The following ZNF69 variants were observed in gnomAD, a reference collection of about 807,000 sequenced individuals.
The protein encoded by ZNF69 is ZNF3.
A neutral mutation model predicts 50.9 loss-of-function variants in ZNF69; 47 were observed. The observed-to-expected ratio is 0.92, with a 90% CI of 0.73 to 1.18. The LOEUF is 1.18. ZNF69 is among the 50% of genes most tolerant of loss of function. The pLI, the probability that ZNF69 is intolerant of heterozygous loss-of-function variation, is 0.00. For synonymous variants in ZNF69, 216 were observed against 223.1 expected (o/e 0.97, Z 0.29); for missense variants, 717 against 675.1 (o/e 1.06, Z -0.69).
intron 1 of ZNF69, among the ~76,000 whole-genome samples, chr19:11,889,242 G>T (rs1977023064): frequency 6.6e-6 from 1 of 152,144 alleles, no homozygotes; most frequent in African/African-American, 2.4e-5. Flanking sequence ...GGTCTTGTTT[G>T]TAATTTGGTA....
chr19:11,944,197 G>T, the ZNF69 span, among the ~76,000 whole-genome samples: 17 of 152,122 alleles, frequency 1.1e-4, no homozygotes, highest in African/African-American at 4.1e-4. Context: ...TGTAGCTGTC[G>T]CTGTAACTTA....
chr19:11,978,259 G>C, the ZNF69 span: 1 of 1,613,930 alleles, frequency 6.2e-7, no homozygotes, highest in African/African-American at 1.3e-5. Flanking sequence ...TTTGTATGTG[G>C]AGAAGTTGGC....
At chr19:11,935,483 C>G in the ZNF69 span, among the ~76,000 whole-genome samples, 1 of 152,024 alleles carries the variant, frequency 6.6e-6, no homozygotes. Context: ...CCACCCACCT[C>G]AGCCTCCCAA....
chr19:11,978,417 A>G, the ZNF69 span: 3 of 1,614,220 alleles, frequency 1.9e-6, no homozygotes, highest in Admixed American at 3.3e-5. Flanking sequence ...ACAAGAAAGG[A>G]ATCACACCGG....
chr19:11,948,493 C>T, the ZNF69 span: 1 of 1,613,962 alleles, frequency 6.2e-7, no homozygotes, highest in South Asian at 1.1e-5. Context: ...ATATGAGTAT[C>T]AGGAATATGG....
the ZNF69 span, chr19:11,979,185 A>G: frequency 6.2e-7 from 1 of 1,612,110 alleles, no homozygotes; most frequent in Non-Finnish European, 8.5e-7. Flanking sequence ...CTGGAGAGAA[A>G]CCCTATAAAT....
chr19:11,955,430 G>A, the ZNF69 span, among the ~76,000 whole-genome samples: 9 of 146,004 alleles, frequency 6.2e-5, no homozygotes, highest in Non-Finnish European at 1.3e-4. Flanking sequence ...GTCTGGCTCT[G>A]GTGCCCAGGC....
chr19:11,892,915 G>A (rs1195841059), intron 1 of ZNF69, among the ~76,000 whole-genome samples: 1 of 152,164 alleles, frequency 6.6e-6, no homozygotes, highest in East Asian at 1.9e-4. Context: ...GTTCACTGCA[G>A]CCTTTGCCTC....
At chr19:11,894,892 CAAGG>C (rs1322610761) in intron 1 of ZNF69, among the ~76,000 whole-genome samples, 1 of 152,130 alleles carries the variant, frequency 6.6e-6, no homozygotes, top group Non-Finnish European at 1.5e-5. Flanking sequence ...CCCCAAAAGA[CAAGG>C]AAAGCCCACC....
chr19:11,948,176 C>T, the ZNF69 span: 1 of 1,374,790 alleles, frequency 7.3e-7, no homozygotes, highest in South Asian at 1.3e-5. Flanking sequence ...AAAGCCTACA[C>T]TTTGATGGAC....
At chr19:11,909,950 G>C (rs964277450), downstream of ZNF69, among the ~76,000 whole-genome samples, 2 of 150,922 alleles carry the variant, frequency 1.3e-5, no homozygotes, top group African/African-American at 2.4e-5. Context: ...ATCTCCTTAA[G>C]CTGATAAGCA....
chr19:11,898,112 C>T (rs1013173705), intron 1 of ZNF69, among the ~76,000 whole-genome samples: 2 of 151,848 alleles, frequency 1.3e-5, no homozygotes, highest in Non-Finnish European at 2.9e-5. Context: ...AAGATAACTG[C>T]CTTACATTTT....
chr19:11,910,652 C>A (rs192669552), downstream of ZNF69, among the ~76,000 whole-genome samples: 180 of 152,262 alleles, frequency 1.2e-3, no homozygotes, highest in Non-Finnish European at 2.1e-3. Context: ...CTTCCTTACA[C>A]CTTATACAAA....
rs773310532 is a variant in ZNF69 at position 11,905,066 on chromosome 19, A to G, written c.669A>G (p.Lys223=). Residue 223 remains lysine (K), a synonymous_variant, in exon 4 of 4, where the codon AAA becomes AAG. Coordinates refer to ENST00000429654, the MANE Select transcript of ZNF69 (RefSeq NM_001364730.1). ...GTGGGGATGGACCTTATAAATGTAA[A>G]TTTTGTGGGAAAGCCTTCCATTGTC... The part of the protein sequence containing the change: ...MHSGDGPYKC[K]FCGKAFHCLS... The G allele has an allele frequency of 2.5e-6, 4 of 1,614,144 alleles. No individual in the cohort carries two copies. The highest frequency in any genetic ancestry group is 2.2e-5 in the East Asian group (1 of 44,878).
chr19:11,915,137 A>G (rs1169712621), downstream of ZNF69, among the ~76,000 whole-genome samples: 1 of 152,172 alleles, frequency 6.6e-6, no homozygotes, highest in Non-Finnish European at 1.5e-5. Flanking sequence ...CTGGAGACAG[A>G]GGTTACAGTG....
chr19:11,952,136 G>A, the ZNF69 span, among the ~76,000 whole-genome samples: 12 of 152,022 alleles, frequency 7.9e-5, no homozygotes, highest in Admixed American at 6.5e-5. Context: ...CCAAGATGGC[G>A]CCATTGCACT....
the ZNF69 span, among the ~76,000 whole-genome samples, chr19:11,936,675 A>C: frequency 6.6e-6 from 1 of 152,186 alleles, no homozygotes; most frequent in Non-Finnish European, 1.5e-5. Context: ...TTTGCTGTGC[A>C]GAAGCTCTTT....
downstream of ZNF69, among the ~76,000 whole-genome samples, chr19:11,907,345 G>A (rs533750482): frequency 6.6e-6 from 1 of 152,280 alleles, no homozygotes; most frequent in African/African-American, 2.4e-5. Flanking sequence ...TACTCCTCGA[G>A]AGGAGCAACT....
the ZNF69 span, among the ~76,000 whole-genome samples, chr19:11,929,900 C>T: frequency 6.7e-6 from 1 of 148,362 alleles, no homozygotes; most frequent in Admixed American, 6.6e-5. Context: ...GACACAGACA[C>T]CTTATCAGGA....
Sources: gnomAD v4.1 joint callset for allele counts (sites outside exome capture counted in the v4.1 genomes callset) on GRCh38, gnomAD v4.1.1 for gene constraint, MANE v1.5 for transcripts, NCBI Gene and HGNC (gene_info 2026-07-23, HGNC 2026-07-21) for gene names.